The following PRKCE variants were observed in gnomAD, a reference collection of about 807,000 sequenced individuals.
PRKCE encodes the protein protein kinase C epsilon type.
PRKCE carries 16 observed loss-of-function variants against 85.4 expected under a neutral mutation model. That is an observed-to-expected ratio of 0.19 (90% confidence interval 0.13 to 0.28). The LOEUF (loss-of-function observed/expected upper bound fraction) is 0.28. PRKCE is among the 10% of genes least tolerant of loss of function. PRKCE has a pLI of 1.00. For missense variants in PRKCE, 573 were observed against 975.2 expected, an observed-to-expected ratio of 0.59 and a Z score of 5.49; for synonymous variants, 388 against 371.5, an observed-to-expected ratio of 1.04 and a Z score of -0.51.
intron 1 of PRKCE, among the ~76,000 whole-genome samples, chr2:45,738,483 A>T (rs1682273128): frequency 2.0e-5 from 3 of 152,132 alleles, no homozygotes; most frequent in Admixed American, 2.0e-4. Context: ...TTTTCAGATA[A>T]CCTGTCTTCA....
At chr2:45,865,024 A>G (rs1191956115) in intron 2 of PRKCE, among the ~76,000 whole-genome samples, 3 of 152,236 alleles carry the variant, frequency 2.0e-5, no homozygotes, top group Non-Finnish European at 4.4e-5. Context: ...CGTAAGACCA[A>G]GTTTTGAGAA....
intron 2 of PRKCE, among the ~76,000 whole-genome samples, chr2:45,847,478 A>C (rs1231293995): frequency 6.6e-6 from 1 of 152,244 alleles, no homozygotes; most frequent in Non-Finnish European, 1.5e-5. Context: ...CAAGTTGCAC[A>C]GGCAGACGTG....
chr2:45,748,376 G>A (rs1482821358), intron 1 of PRKCE, among the ~76,000 whole-genome samples: 4 of 152,202 alleles, frequency 2.6e-5, no homozygotes, highest in South Asian at 2.1e-4. Context: ...GACTCCCCAC[G>A]TTGCCTCCTG....
intron 2 of PRKCE, among the ~76,000 whole-genome samples, chr2:45,970,144 G>A (rs1352355126): frequency 6.6e-6 from 1 of 152,208 alleles, no homozygotes; most frequent in African/African-American, 2.4e-5. Flanking sequence ...ACTGCTTTCT[G>A]AAAACATGTC....
At chr2:45,808,042 C>T (rs868000647) in intron 1 of PRKCE, among the ~76,000 whole-genome samples, 27 of 152,208 alleles carry the variant, frequency 1.8e-4, no homozygotes, top group African/African-American at 6.3e-4. Flanking sequence ...CAGATTTCAG[C>T]GCTCCCAGAC....
Position 46,184,950 on chromosome 2 carries a change from C to T in PRKCE, c.*69C>T. On this transcript the variant is annotated 3_prime_UTR_variant, in exon 15 of 15. Coordinates refer to ENST00000306156, the MANE Select transcript of PRKCE (RefSeq NM_005400.3). This position sits in a 1 kb window ranked among gnomAD's most constrained non-coding sequence, Gnocchi z 5.0. ...GCAGAGAAGACTCCTGTGTTGGAGA[C>T]ACTCAGCAGGTCTTGAACTACTTCT... 1.9e-6 allele frequency: 3 copies of T among 1,571,458 alleles called. No individual in the cohort carries two copies. Among genetic ancestry groups the T allele is most frequent in the Admixed American group, 1.7e-5 (1 of 58,518 alleles).
At chr2:45,686,572 C>T (rs536741437) in intron 1 of PRKCE, among the ~76,000 whole-genome samples, 43 of 151,956 alleles carry the variant, frequency 2.8e-4, no homozygotes, top group African/African-American at 9.7e-4. Flanking sequence ...CAAAAATAAC[C>T]GTAGAGAAAA....
At chr2:46,136,796 C>G (rs890678915) in intron 11 of PRKCE, among the ~76,000 whole-genome samples, 6 of 152,142 alleles carry the variant, frequency 3.9e-5, no homozygotes, top group Non-Finnish European at 7.3e-5. Flanking sequence ...CAGTGTCACT[C>G]CCCAGTCCCG....
intron 1 of PRKCE, among the ~76,000 whole-genome samples, chr2:45,833,449 A>G (rs1334258269): frequency 6.6e-6 from 1 of 152,220 alleles, no homozygotes; most frequent in African/African-American, 2.4e-5. Flanking sequence ...TAGGTGGGAA[A>G]TAGCAATCAT....
intron 2 of PRKCE, among the ~76,000 whole-genome samples, chr2:45,934,889 C>CAAAA (rs35925836): frequency 9.2e-6 from 1 of 108,856 alleles, no homozygotes; most frequent in Admixed American, 1.0e-4. Context: ...CATGTCTCTA[C>CAAAA]AAAAAAAAAA....
intron 1 of PRKCE, among the ~76,000 whole-genome samples, chr2:45,678,555 T>A (rs1373352918): frequency 1.4e-4 from 21 of 152,034 alleles, no homozygotes; most frequent in Admixed American, 1.4e-3. Context: ...GTATTAAAAC[T>A]AATATCATGT....
intron 5 of PRKCE, 55 bp downstream of exon 5, chr2:45,980,436 C>T: frequency 6.7e-7 from 1 of 1,495,030 alleles, no homozygotes. Flanking sequence ...CCCCTCCCTT[C>T]ACTGCCTCTT....
intron 1 of PRKCE, among the ~76,000 whole-genome samples, chr2:45,778,093 A>G (rs1408504216): frequency 1.0e-5 from 1 of 99,430 alleles, no homozygotes; most frequent in East Asian, 3.5e-4. Context: ...CATTGGGAGC[A>G]TTGAGGAAGA....
chr2:46,035,105 C>T (rs1309397852), intron 10 of PRKCE, among the ~76,000 whole-genome samples: 4 of 152,234 alleles, frequency 2.6e-5, no homozygotes, highest in Non-Finnish European at 5.9e-5. Context: ...GTCTCCTTTG[C>T]TCTGGCTCAG....
chr2:45,902,343 C>A (rs1696641625), intron 2 of PRKCE, among the ~76,000 whole-genome samples: 1 of 152,162 alleles, frequency 6.6e-6, no homozygotes, highest in Admixed American at 6.5e-5. Context: ...TAAGCTCTTA[C>A]CAAAAGCCTG....
chr2:45,671,037 G>T (rs908196428), intron 1 of PRKCE, among the ~76,000 whole-genome samples: 10 of 152,154 alleles, frequency 6.6e-5, no homozygotes, highest in African/African-American at 2.2e-4. Context: ...AATACAAGGC[G>T]GGTTTCCTCA....
intron 1 of PRKCE, among the ~76,000 whole-genome samples, chr2:45,734,808 CAGAAG>C (rs767826466): frequency 1.4e-4 from 22 of 152,228 alleles, no homozygotes; most frequent in Non-Finnish European, 1.3e-4. Context: ...ATTGCCTCAG[CAGAAG>C]AGAAGCCCCT....
At chr2:45,936,486 C>T (rs1699467598) in intron 2 of PRKCE, among the ~76,000 whole-genome samples, 1 of 152,200 alleles carries the variant, frequency 6.6e-6, no homozygotes, top group Non-Finnish European at 1.5e-5. Flanking sequence ...CCTCTGCCCT[C>T]ACTGTCCTCC....
intron 1 of PRKCE, among the ~76,000 whole-genome samples, chr2:45,688,821 A>G (rs981007483): frequency 2.0e-5 from 3 of 152,240 alleles, no homozygotes; most frequent in Non-Finnish European, 2.9e-5. Flanking sequence ...AATTGCACCT[A>G]CTGCAAGTGC....
Sources: allele counts gnomAD v4.1 joint callset (sites outside exome capture counted in the v4.1 genomes callset), GRCh38; gene constraint gnomAD v4.1.1; non-coding constraint Gnocchi (gnomAD v3.1); transcripts MANE v1.5; gene names NCBI Gene and HGNC (gene_info 2026-07-23, HGNC 2026-07-21).